The following XKR6 variants were observed in gnomAD, a reference collection of about 807,000 sequenced individuals.
XKR6 encodes XK-related protein 6.
XKR6 carries 22 observed loss-of-function variants against 56.7 expected under a neutral mutation model. The ratio of observed to expected loss-of-function variants is 0.39; its 90% CI spans 0.28 to 0.55. The LOEUF is 0.55. Ranked by LOEUF, XKR6 falls within the 20% of genes least tolerant of loss-of-function variation. The pLI is 0.66. For missense variants in XKR6, 852 were observed against 889.0 expected, an observed-to-expected ratio of 0.96 and a Z score of 0.53; for synonymous variants, 524 against 387.8, an observed-to-expected ratio of 1.35 and a Z score of -4.13.
At chr8:10,994,048 C>T (rs1299356410) in intron 1 of XKR6, among the ~76,000 whole-genome samples, 1 of 152,198 alleles carries the variant, frequency 6.6e-6, no homozygotes, top group South Asian at 2.1e-4. Flanking sequence ...CTAGAAACTG[C>T]AGTCCCCTTG....
At chr8:11,121,724 A>G (rs1218442692) in intron 1 of XKR6, among the ~76,000 whole-genome samples, 1 of 152,254 alleles carries the variant, frequency 6.6e-6, no homozygotes, top group Admixed American at 6.5e-5. Flanking sequence ...TGCTATAAAG[A>G]CACATGCACA....
At position 10,897,832 on chromosome 8, in the gene XKR6, G is replaced by C. The variant is rs1205195407; in HGVS notation, c.*120C>G. 2.4e-6 allele frequency: 3 copies of C among 1,254,758 alleles called. No individual in the cohort carries two copies. Among genetic ancestry groups the C allele is most frequent in the Non-Finnish European group, 3.2e-6 (3 of 931,952 alleles). 77.7% of individuals were successfully genotyped at this position (1,254,758 alleles called of 1,614,324 possible). A position where few individuals can be genotyped will look rare whatever the true frequency, so the allele number is the denominator to read the frequency against. On this transcript the variant is annotated 3_prime_UTR_variant, in exon 3 of 3. Transcript: ENST00000416569. ...TTTGTAGTGGTGGTGTTGGTGTGGC[G>C]GTGTTGGTGGTGGTGGCGGTGGTTC...
At chr8:11,152,446 TG>T (rs1801315425) in intron 1 of XKR6, among the ~76,000 whole-genome samples, 2 of 151,960 alleles carry the variant, frequency 1.3e-5, no homozygotes, top group African/African-American at 4.8e-5. Flanking sequence ...TAATAAATCA[TG>T]GGTAAGATGG....
intron 1 of XKR6, among the ~76,000 whole-genome samples, chr8:11,012,323 C>A (rs894669695): frequency 2.0e-5 from 3 of 152,236 alleles, no homozygotes; most frequent in African/African-American, 4.8e-5. Flanking sequence ...GTTACCTAAC[C>A]TTTCTGGCTC....
At position 10,985,017 on chromosome 8, in the gene XKR6, G is replaced by A. The variant is rs1797828696; in HGVS notation, c.765-60187C>T. Among the ~76,000 whole-genome samples, 5 of 151,868 alleles carry A rather than the reference G, an allele frequency of 3.3e-5. No homozygotes were observed. The South Asian group carries it at 1.0e-3, about 32-fold the overall frequency. On this transcript the variant is annotated intron_variant, in intron 1 of 2. Transcript: ENST00000416569. ...TGCAGTAGTGCAATCTCAGCTCACAGTAACCTCCACCTCCCAGGCTCAAGC... is the reference window on the plus strand; with the variant it reads ...TGCAGTAGTGCAATCTCAGCTCACAATAACCTCCACCTCCCAGGCTCAAGC...
chr8:10,913,212 T>C (rs1800460966), intron 2 of XKR6, among the ~76,000 whole-genome samples: 1 of 151,862 alleles, frequency 6.6e-6, no homozygotes, highest in African/African-American at 2.4e-5. Flanking sequence ...GAAATTACAT[T>C]GTTCATATAC....
At position 10,951,938 on chromosome 8, in the gene XKR6, A is replaced by C. The variant is rs376524902; in HGVS notation, c.765-27108T>G. On this transcript the variant is annotated intron_variant, in intron 1 of 2. Coordinates refer to ENST00000416569, the MANE Select transcript of XKR6 (RefSeq NM_173683.4). Reference sequence around the variant, plus strand: ...GCTGAGTGGGGACGACAGGAGAACCAAGAGGCCACAGCCAGCCCCCTGCCC... The same window carrying C: ...GCTGAGTGGGGACGACAGGAGAACCCAGAGGCCACAGCCAGCCCCCTGCCC... Among the ~76,000 whole-genome samples, 7 of 152,288 alleles carry C rather than the reference A, an allele frequency of 4.6e-5. No individual in the cohort carries two copies. The East Asian group carries it at 7.7e-4, about 17-fold the overall frequency.
At chr8:11,150,265 T>G (rs1801207961) in intron 1 of XKR6, among the ~76,000 whole-genome samples, 1 of 152,134 alleles carries the variant, frequency 6.6e-6, no homozygotes, top group South Asian at 2.1e-4. Context: ...TGATAAGTAC[T>G]CAATGTCATG....
At chr8:11,055,581 G>A (rs925054265) in intron 1 of XKR6, among the ~76,000 whole-genome samples, 12 of 152,210 alleles carry the variant, frequency 7.9e-5, no homozygotes, top group African/African-American at 2.7e-4. Flanking sequence ...CAGCCCCTCT[G>A]GGAAGTCTGG....
intron 1 of XKR6, among the ~76,000 whole-genome samples, chr8:10,935,628 T>C (rs1801188095): frequency 6.6e-6 from 1 of 151,612 alleles, no homozygotes; most frequent in Non-Finnish European, 1.5e-5. Flanking sequence ...TCAAAGAACA[T>C]CTTTATTTCT....
intron 1 of XKR6, among the ~76,000 whole-genome samples, chr8:11,132,650 C>T (rs1369959941): frequency 6.6e-6 from 1 of 152,008 alleles, no homozygotes; most frequent in African/African-American, 2.4e-5. Flanking sequence ...GTACGAGCCA[C>T]CGCGTCTGGT....
intron 1 of XKR6, among the ~76,000 whole-genome samples, chr8:11,110,757 G>A (rs1274579714): frequency 6.6e-6 from 1 of 152,196 alleles, no homozygotes; most frequent in South Asian, 2.1e-4. Flanking sequence ...TCATTCCAAT[G>A]GTCGAGAACA....
chr8:11,093,909 A>C (rs1455056114), intron 1 of XKR6, among the ~76,000 whole-genome samples: 1 of 150,792 alleles, frequency 6.6e-6, no homozygotes, highest in Non-Finnish European at 1.5e-5. Context: ...TCAGCCTCCC[A>C]AGTAGCTGGG....
chr8:10,998,090 C>G (rs1798155495), intron 1 of XKR6, among the ~76,000 whole-genome samples: 1 of 152,116 alleles, frequency 6.6e-6, no homozygotes, highest in Non-Finnish European at 1.5e-5. Context: ...GGGTCACCAG[C>G]TCACCCCAGA....
At chr8:11,090,072 G>A (rs1472834049) in intron 1 of XKR6, among the ~76,000 whole-genome samples, 1 of 152,096 alleles carries the variant, frequency 6.6e-6, no homozygotes, top group Non-Finnish European at 1.5e-5. Context: ...ATGAATATTT[G>A]CAATTTATCC....
intron 1 of XKR6, among the ~76,000 whole-genome samples, chr8:11,083,697 C>T (rs983284621): frequency 9.2e-5 from 14 of 152,176 alleles, no homozygotes; most frequent in East Asian, 3.9e-4. Flanking sequence ...AATCTGAAAG[C>T]GATCTAAGTG....
chr8:11,017,189 T>C (rs1231246399), intron 1 of XKR6, among the ~76,000 whole-genome samples: 2 of 152,200 alleles, frequency 1.3e-5, no homozygotes, highest in African/African-American at 4.8e-5. Context: ...ATATATAACA[T>C]TGTAACACGT....
chr8:10,965,564 G>A (rs1422126984), intron 1 of XKR6, among the ~76,000 whole-genome samples: 7 of 152,202 alleles, frequency 4.6e-5, no homozygotes, highest in Non-Finnish European at 1.0e-4. Context: ...GGCACGCAGG[G>A]GGCCTGTGGG....
intron 2 of XKR6, among the ~76,000 whole-genome samples, chr8:10,918,783 G>A (rs571050061): frequency 6.6e-6 from 1 of 152,248 alleles, no homozygotes; most frequent in African/African-American, 2.4e-5. Context: ...AACACACCCA[G>A]TGAGAAACCA....
Sources: allele counts gnomAD v4.1 joint callset (sites outside exome capture counted in the v4.1 genomes callset), GRCh38; gene constraint gnomAD v4.1.1; transcripts MANE v1.5; gene names NCBI Gene and HGNC (gene_info 2026-07-23, HGNC 2026-07-21).